The following HIVEP3 variants were observed in gnomAD, a reference collection of about 807,000 sequenced individuals.
The protein encoded by HIVEP3 is transcription factor HIVEP3.
A neutral mutation model predicts 152.8 loss-of-function variants in HIVEP3; 49 were observed. The observed-to-expected ratio is 0.32, with a 90% CI of 0.26 to 0.41. The LOEUF is 0.41. HIVEP3 is among the 10% of genes least tolerant of loss of function. The pLI is 1.00. For missense variants in HIVEP3, 2,790 were observed against 3,103.3 expected (o/e 0.90, Z 2.40); for synonymous variants, 1,269 against 1,289.0 (o/e 0.98, Z 0.33).
At chr1:41,526,617 A>T (rs1483360353) in intron 5 of HIVEP3, among the ~76,000 whole-genome samples, 1 of 2,634 alleles carries the variant, frequency 3.8e-4, no homozygotes. Context: ...TCCCACCCCC[A>T]CCTTCACCCT....
At position 41,610,278 on chromosome 1, in the gene HIVEP3, T is replaced by G. The variant is rs552143327; in HGVS notation, c.-522+18471A>C. Among the ~76,000 whole-genome samples, 9 of 152,336 alleles carry G rather than the reference T, an allele frequency of 5.9e-5. No homozygotes were observed. In the East Asian group the frequency reaches 1.3e-3, roughly 23 times the overall value. On this transcript the variant is annotated intron_variant, in intron 3 of 8. Transcript: ENST00000372583. ...CGAGCTTTCTATGGCCCCCTTACAC[T>G]CAGCCAGTCACCTCTGTACCTTAGA...
chr1:41,573,790 C>G (rs1277229451), intron 5 of HIVEP3, among the ~76,000 whole-genome samples: 1 of 152,084 alleles, frequency 6.6e-6, no homozygotes, highest in Non-Finnish European at 1.5e-5. Context: ...TCAGGCAGAA[C>G]AGAGGTAAGT....
rs190351517 is a variant in HIVEP3, at chr1:41,748,725, G to A, written c.-800-47730C>T. Among the ~76,000 whole-genome samples the A allele has an allele frequency of 1.2e-4, 18 of 152,312 alleles. No individual in the cohort carries two copies. In the East Asian group the frequency reaches 3.5e-3, roughly 29 times the overall value. The stretch of plus-strand genomic sequence containing the variant: ...CACCCAGCTGGCTTGCTGAATTGTT[G>A]GGGTCTGAACTTAGCAGCCTTCTTC... On this transcript the variant is annotated intron_variant, in intron 1 of 8. Coordinates refer to ENST00000372583, the MANE Select transcript of HIVEP3 (RefSeq NM_024503.5).
chr1:41,575,326 C>T (rs1644309867), intron 5 of HIVEP3, among the ~76,000 whole-genome samples: 1 of 152,116 alleles, frequency 6.6e-6, no homozygotes, highest in African/African-American at 2.4e-5. Flanking sequence ...CAACAAATAC[C>T]CAGCATCACC....
chr1:41,842,810 C>G (rs1193657064), intron 1 of HIVEP3, among the ~76,000 whole-genome samples: 1 of 152,272 alleles, frequency 6.6e-6, no homozygotes, highest in African/African-American at 2.4e-5. Flanking sequence ...CCGCTTCTTG[C>G]TAGAGTATCA....
chr1:41,747,322 C>T (rs1355609819), intron 1 of HIVEP3, among the ~76,000 whole-genome samples: 1 of 152,186 alleles, frequency 6.6e-6, no homozygotes, highest in Non-Finnish European at 1.5e-5. Flanking sequence ...CCCCAGCTCC[C>T]AACTGATCCT....
intron 3 of HIVEP3, among the ~76,000 whole-genome samples, chr1:41,590,374 C>T (rs906789754): frequency 1.3e-5 from 2 of 152,228 alleles, no homozygotes; most frequent in African/African-American, 4.8e-5. Context: ...GGCTGCCTTT[C>T]CCAGCCTCTC....
At chr1:41,667,874 C>A (rs1446640282) in intron 2 of HIVEP3, among the ~76,000 whole-genome samples, 1 of 152,168 alleles carries the variant, frequency 6.6e-6, no homozygotes, top group Non-Finnish European at 1.5e-5. Flanking sequence ...AAGCCCCCCC[C>A]AAGCCCCCCA....
intron 5 of HIVEP3, chr1:41,543,182 G>A (rs1196543178): frequency 1.3e-5 from 2 of 152,266 alleles, no homozygotes; most frequent in Non-Finnish European, 2.9e-5. Context: ...AAGTGGGGTC[G>A]AGGAGTCAAG....
At chr1:42,001,466 A>T (rs1018578384) in intron 1 of HIVEP3, among the ~76,000 whole-genome samples, 3 of 152,216 alleles carry the variant, frequency 2.0e-5, no homozygotes, top group African/African-American at 7.2e-5. Context: ...TGCCTGATAC[A>T]GTGTCTGCTA....
At chr1:41,946,351 G>A (rs1484237561) in intron 1 of HIVEP3, among the ~76,000 whole-genome samples, 1 of 152,088 alleles carries the variant, frequency 6.6e-6, no homozygotes, top group East Asian at 1.9e-4. Flanking sequence ...CAGAGCCCCG[G>A]GTATGTTTGA....
intron 5 of HIVEP3, among the ~76,000 whole-genome samples, chr1:41,537,300 C>T (rs1320584743): frequency 1.3e-5 from 2 of 152,202 alleles, no homozygotes; most frequent in African/African-American, 4.8e-5. Flanking sequence ...TGCTGCATTT[C>T]TGATTTTATT....
intron 1 of HIVEP3, among the ~76,000 whole-genome samples, chr1:41,711,189 G>C (rs1420779549): frequency 6.6e-6 from 1 of 152,242 alleles, no homozygotes; most frequent in Non-Finnish European, 1.5e-5. Context: ...CCAGGCCTAT[G>C]CCTGGCCATG....
At chr1:41,659,237 CTTT>C (rs1035597067) in intron 2 of HIVEP3, among the ~76,000 whole-genome samples, 12 of 152,208 alleles carry the variant, frequency 7.9e-5, no homozygotes, top group African/African-American at 2.9e-4. Context: ...GCTGTCACTT[CTTT>C]ATTACTCAGA....
intron 5 of HIVEP3, among the ~76,000 whole-genome samples, chr1:41,572,046 A>G (rs749890404): frequency 4.6e-5 from 7 of 152,134 alleles, no homozygotes; most frequent in African/African-American, 7.2e-5. Flanking sequence ...GTCCAAGACA[A>G]TGTTAAGGTT....
chr1:41,886,908 A>C (rs1644357503), intron 1 of HIVEP3, among the ~76,000 whole-genome samples: 1 of 152,180 alleles, frequency 6.6e-6, no homozygotes, highest in Non-Finnish European at 1.5e-5. Context: ...TAATGAATAC[A>C]GTTATAAATA....
intron 2 of HIVEP3, among the ~76,000 whole-genome samples, chr1:41,637,756 CT>C (rs980313585): frequency 6.6e-6 from 1 of 152,070 alleles, no homozygotes; most frequent in Admixed American, 6.5e-5. Flanking sequence ...CCATACTGTT[CT>C]TTTTTTAAGC....
At chr1:41,747,487 G>A (rs1232733732) in intron 1 of HIVEP3, among the ~76,000 whole-genome samples, 1 of 152,200 alleles carries the variant, frequency 6.6e-6, no homozygotes, top group Non-Finnish European at 1.5e-5. Flanking sequence ...TATAAAAATA[G>A]TACATACTGT....
chr1:41,727,959 G>A (rs770861928), intron 1 of HIVEP3, among the ~76,000 whole-genome samples: 8 of 152,220 alleles, frequency 5.3e-5, no homozygotes, highest in Non-Finnish European at 7.3e-5. Context: ...GTTGGGGTAG[G>A]TGGGCTGTGC....
Sources: allele counts gnomAD v4.1 joint callset (sites outside exome capture counted in the v4.1 genomes callset), GRCh38; gene constraint gnomAD v4.1.1; transcripts MANE v1.5; gene names NCBI Gene and HGNC (gene_info 2026-07-23, HGNC 2026-07-21).